Variants in PTPRD observed in about 807,000 individuals in gnomAD.
PTPRD encodes the protein protein tyrosine phosphatase receptor type D.
Under a neutral mutation model 214.5 loss-of-function variants are expected in PTPRD, and 34 were observed. The ratio of observed to expected loss-of-function variants is 0.16; its 90% CI spans 0.12 to 0.21. The LOEUF is 0.21. Ranked by LOEUF, PTPRD falls within the 10% of genes least tolerant of loss-of-function variation. The probability of loss-of-function intolerance (pLI) is 1.00; values close to 1 mark genes in which losing one functional copy is unlikely to be tolerated. For synonymous variants in PTPRD, 1,128 were observed against 845.7 expected (o/e 1.33, Z -5.79); for missense variants, 2,545 against 2,398.7 (o/e 1.06, Z -1.27).
At chr9:10,173,986 A>G (rs1405426986) in intron 3 of PTPRD, among the ~76,000 whole-genome samples, 1 of 152,176 alleles carries the variant, frequency 6.6e-6, no homozygotes, top group Non-Finnish European at 1.5e-5. Context: ...AATAAATGCC[A>G]GCCATATGTG....
At chr9:9,264,056 G>C (rs1260736349) in intron 9 of PTPRD, among the ~76,000 whole-genome samples, 1 of 151,636 alleles carries the variant, frequency 6.6e-6, no homozygotes, top group Non-Finnish European at 1.5e-5. Context: ...AAGCCAGTCA[G>C]TAATGATTAG....
chr9:9,110,582 G>C (rs556299688), intron 10 of PTPRD, among the ~76,000 whole-genome samples: 37 of 152,172 alleles, frequency 2.4e-4, no homozygotes, highest in African/African-American at 8.7e-4. Context: ...CTTAAGACCA[G>C]AGGCTCAAGT....
At chr9:8,822,353 T>TATAAGA (rs56670008) in intron 11 of PTPRD, among the ~76,000 whole-genome samples, 20,722 of 152,146 alleles carry the variant, frequency 0.14, 1,607 homozygotes, top group East Asian at 0.24. Context: ...AATAAAAGGC[T>TATAAGA]ATAAGAACTG....
At position 8,845,160 on chromosome 9, in the gene PTPRD, C is replaced by G. The variant is rs543456740; in HGVS notation, c.-103-111214G>C. 3.7e-5 allele frequency among the ~76,000 whole-genome samples: 5 copies of G among 134,846 alleles called. No homozygotes were observed. The East Asian group carries it at 8.4e-4, about 23-fold the overall frequency. The allele number at this position is 134,846 out of a possible 152,430, so 88.5% of individuals were successfully genotyped here. On this transcript the variant is annotated intron_variant, in intron 11 of 45. Coordinates refer to ENST00000381196, the MANE Select transcript of PTPRD (RefSeq NM_002839.4). ...TGAATAAAATGAGGTCTCTAAAATC[C>G]TTGCAGGAAAAAAAAACAAAAACAA... is the stretch of plus-strand genomic sequence containing the variant.
At chr9:9,675,937 T>C (rs2096920076) in intron 7 of PTPRD, among the ~76,000 whole-genome samples, 1 of 152,060 alleles carries the variant, frequency 6.6e-6, no homozygotes, top group African/African-American at 2.4e-5. Flanking sequence ...ATTAACCAAC[T>C]ATACCCAACA....
At chr9:8,796,185 A>C (rs987326106) in intron 11 of PTPRD, among the ~76,000 whole-genome samples, 9 of 152,206 alleles carry the variant, frequency 5.9e-5, no homozygotes, top group Non-Finnish European at 1.3e-4. Context: ...GTTTAAAAAC[A>C]TATAGATGAA....
chr9:9,947,901 AAGAC>A, intron 4 of PTPRD, among the ~76,000 whole-genome samples: 1 of 151,662 alleles, frequency 6.6e-6, no homozygotes, highest in East Asian at 1.9e-4. Context: ...TGAATCAAGA[AAGAC>A]AGCCTTATAG....
intron 14 of PTPRD, among the ~76,000 whole-genome samples, chr9:8,537,943 G>C (rs2077358305): frequency 6.6e-6 from 1 of 151,956 alleles, no homozygotes; most frequent in Admixed American, 6.6e-5. Flanking sequence ...TGCTCGGCCT[G>C]AGCAAATGAT....
intron 3 of PTPRD, among the ~76,000 whole-genome samples, chr9:10,131,381 G>A (rs2098881262): frequency 1.3e-5 from 2 of 152,142 alleles, no homozygotes; most frequent in African/African-American, 2.4e-5. Flanking sequence ...AACAAAGTAA[G>A]AGAGTATTCA....
intron 9 of PTPRD, among the ~76,000 whole-genome samples, chr9:9,233,062 A>C (rs2099964138): frequency 6.6e-6 from 1 of 152,162 alleles, no homozygotes; most frequent in Non-Finnish European, 1.5e-5. Flanking sequence ...CCTGGGAATA[A>C]GGAATGATGC....
intron 4 of PTPRD, among the ~76,000 whole-genome samples, chr9:10,029,284 C>A (rs1184104355): frequency 6.6e-6 from 1 of 152,122 alleles, no homozygotes; most frequent in African/African-American, 2.4e-5. Context: ...GGGTTGGAGC[C>A]CCCATACAGA....
At chr9:9,823,899 T>C (rs576778028) in intron 5 of PTPRD, among the ~76,000 whole-genome samples, 1 of 152,172 alleles carries the variant, frequency 6.6e-6, no homozygotes, top group East Asian at 1.9e-4. Flanking sequence ...AAACAATAAA[T>C]GTTTGAGATA....
intron 2 of PTPRD, among the ~76,000 whole-genome samples, chr9:10,594,544 T>C (rs1378961435): frequency 6.6e-6 from 1 of 152,026 alleles, no homozygotes. Context: ...GATATAGAAA[T>C]GCCTTCAATA....
At chr9:8,900,337 A>G (rs910539077) in intron 11 of PTPRD, among the ~76,000 whole-genome samples, 6 of 152,226 alleles carry the variant, frequency 3.9e-5, no homozygotes, top group African/African-American at 1.4e-4. Flanking sequence ...CATTTAAAGA[A>G]CATGATGGCA....
chr9:8,423,187 A>C (rs2094466138), intron 35 of PTPRD, among the ~76,000 whole-genome samples: 1 of 152,236 alleles, frequency 6.6e-6, no homozygotes, highest in African/African-American at 2.4e-5. Flanking sequence ...AAGATCGTCC[A>C]GTCCAATCAC....
At chr9:9,638,770 C>T (rs113865432) in intron 7 of PTPRD, among the ~76,000 whole-genome samples, 2,874 of 152,246 alleles carry the variant, frequency 0.019, 88 homozygotes, top group African/African-American at 0.066. Flanking sequence ...CGCAAACTAA[C>T]TTATAACCAA....
chr9:9,239,492 G>A (rs1354670042), intron 9 of PTPRD, among the ~76,000 whole-genome samples: 1 of 152,124 alleles, frequency 6.6e-6, no homozygotes, highest in Non-Finnish European at 1.5e-5. Flanking sequence ...TATTAGTCAT[G>A]AGAGCAAGAA....
At chr9:9,210,656 A>G (rs530082440) in intron 9 of PTPRD, among the ~76,000 whole-genome samples, 12 of 152,266 alleles carry the variant, frequency 7.9e-5, no homozygotes, top group Admixed American at 2.0e-4. Flanking sequence ...TTACTTTCAT[A>G]CAAATGACTT....
chr9:8,900,503 A>C (rs1005178865), intron 11 of PTPRD, among the ~76,000 whole-genome samples: 5 of 152,198 alleles, frequency 3.3e-5, no homozygotes, highest in African/African-American at 1.2e-4. Flanking sequence ...TCAGAACTAC[A>C]CTATTATTAA....
Sources: allele counts gnomAD v4.1 joint callset (sites outside exome capture counted in the v4.1 genomes callset), GRCh38; gene constraint gnomAD v4.1.1; transcripts MANE v1.5; gene names NCBI Gene and HGNC (gene_info 2026-07-23, HGNC 2026-07-21).